LAMA1: variants seen among roughly 807,000 people sequenced by gnomAD.
LAMA1 encodes laminin subunit alpha 1.
Under a neutral mutation model 348.7 loss-of-function variants are expected in LAMA1, and 219 were observed. That is an observed-to-expected ratio of 0.63 (90% CI 0.56 to 0.70). The LOEUF is 0.70. Ranked by LOEUF, LAMA1 falls within the 30% of genes least tolerant of loss-of-function variation. LAMA1 has a pLI of 0.00. For missense variants in LAMA1, 3,744 were observed against 3,888.0 expected, an observed-to-expected ratio of 0.96 and a Z score of 0.99; for synonymous variants, 1,487 against 1,491.0, an observed-to-expected ratio of 1.00 and a Z score of 0.06.
At chr18:7,114,273 T>C (rs957533540) in intron 1 of LAMA1, among the ~76,000 whole-genome samples, 1 of 152,132 alleles carries the variant, frequency 6.6e-6, no homozygotes, top group Non-Finnish European at 1.5e-5. Flanking sequence ...TGTGCTAATA[T>C]TTTTCACATA....
chr18:6,960,989 G>T (rs930469788), intron 53 of LAMA1, among the ~76,000 whole-genome samples: 2 of 152,216 alleles, frequency 1.3e-5, no homozygotes, highest in Non-Finnish European at 2.9e-5. Flanking sequence ...ACTTGATTAA[G>T]ACAGTGTGCT....
In LAMA1 at chr18:7,117,716, C is replaced by T. The variant is rs1203664356; in HGVS notation, c.5G>A (p.Arg2His). 2 of 1,597,668 alleles carry T rather than the reference C, an allele frequency of 1.3e-6. No individual in the cohort carries two copies. Among genetic ancestry groups the T allele is most frequent in the Admixed American group, 1.7e-5 (1 of 59,834 alleles). Residue 2 changes from arginine to histidine, a missense_variant, in exon 1 of 63, where the codon CGC (arginine) becomes CAC (histidine). By Grantham distance (29) the Arg-to-His change is conservative. This residue lies in a region of LAMA1 where 1,529 missense variants were observed against 1,689.4 expected (regional missense o/e 0.91). Coordinates refer to ENST00000389658, the MANE Select transcript of LAMA1 (RefSeq NM_005559.4). Reference protein sequence around the residue: MRGGVLLVLLLC... With the variant: MHGGVLLVLLLC... ...CAGCAAGACCAGGAGCACGCCCCCG[C>T]GCATCTCGCCTCCGCCGCCACTCGG...
chr18:7,026,655 G>C (rs560136672), intron 16 of LAMA1, among the ~76,000 whole-genome samples: 61 of 152,218 alleles, frequency 4.0e-4, no homozygotes, highest in African/African-American at 1.4e-3. Context: ...TAATCCAAGA[G>C]AAACAAAAGA....
intron 4 of LAMA1, among the ~76,000 whole-genome samples, chr18:7,049,619 T>C (rs1453246930): frequency 6.6e-6 from 1 of 152,186 alleles, no homozygotes; most frequent in Non-Finnish European, 1.5e-5. Context: ...ATTTTAAGCA[T>C]GCAAAAATAT....
Position 6,950,964 on chromosome 18 carries a change from CCG to C in LAMA1, c.8213_8214del (p.Ser2738CysfsTer2). 6.2e-7 allele frequency: 1 copy of C among 1,613,590 alleles called. No homozygotes were observed. The highest frequency in any genetic ancestry group is 8.5e-7 in the Non-Finnish European group (1 of 1,179,876). ...FNQSAVRKKL[S>X]VELSIRTFAS... is the part of the protein sequence containing the mutation. ...GCGAACGTGCGGATGCTTAGCTCAA[CCG>C]AGAGCCTGGGGAAAACAAGTGCTCA... On this transcript the variant is annotated frameshift_variant, in exon 58 of 63. Coordinates refer to ENST00000389658, the MANE Select transcript of LAMA1 (RefSeq NM_005559.4). LOFTEE classifies it high-confidence loss of function.
chr18:7,103,967 A>G (rs899720584), intron 1 of LAMA1, among the ~76,000 whole-genome samples: 2 of 151,614 alleles, frequency 1.3e-5, no homozygotes, highest in Non-Finnish European at 2.9e-5. Context: ...TCTAAATAAT[A>G]CCCATTATTT....
In LAMA1 at chr18:7,089,386, G is replaced by A. The variant is rs73376870; in HGVS notation, c.62-8929C>T. On this transcript the variant is annotated intron_variant, in intron 1 of 62. Transcript: ENST00000389658. ...AAAAACAAAACAAAACGCTGGTAGGGAAGGTGCAAGGAGTTAAGGGCAGAG... is the reference window on the plus strand; with the variant it reads ...AAAAACAAAACAAAACGCTGGTAGGAAAGGTGCAAGGAGTTAAGGGCAGAG... 5.8e-3 allele frequency among the ~76,000 whole-genome samples: 889 copies of A among 152,284 alleles called. 7 individuals carry two copies. Among genetic ancestry groups the A allele is most frequent in the African/African-American group, 0.019 (807 of 41,558 alleles).
rs113494534 is a variant in LAMA1 at position 6,958,385 on chromosome 18, C to T, written c.7964+92G>A. 2.3e-3 allele frequency: 3,297 copies of T among 1,430,854 alleles called. 62 individuals carry two copies. In the African/African-American group the frequency reaches 0.04, roughly 17 times the overall value. 88.6% of individuals were successfully genotyped at this position (1,430,854 alleles called of 1,614,324 possible). On this transcript the variant is annotated intron_variant, in intron 55 of 62. Coordinates refer to ENST00000389658, the MANE Select transcript of LAMA1 (RefSeq NM_005559.4). ...TTTGGGAATTTGCAAAGTTTTCAAT[C>T]TCAAACAGTACAATGAGATTTCAGA...
Position 7,083,523 on chromosome 18 carries a change from T to C in LAMA1, c.62-3066A>G, listed in dbSNP as rs538907750. 4.1e-4 allele frequency among the ~76,000 whole-genome samples: 62 copies of C among 152,232 alleles called. 1 individual carries two copies. The Middle Eastern group carries it at 0.01, about 25-fold the overall frequency. ...TTAATAAAAAGAAAGATTGCTTTTT[T>C]ATTGAAAGTATATTTAGAAGAAATA... On this transcript the variant is annotated intron_variant, in intron 1 of 62. Coordinates refer to ENST00000389658, the MANE Select transcript of LAMA1 (RefSeq NM_005559.4).
intron 36 of LAMA1, among the ~76,000 whole-genome samples, chr18:6,987,301 A>G (rs1400653562): frequency 6.6e-6 from 1 of 152,212 alleles, no homozygotes; most frequent in Non-Finnish European, 1.5e-5. Context: ...ATTATATATA[A>G]TACAGCAAGA....
intron 1 of LAMA1, among the ~76,000 whole-genome samples, chr18:7,087,800 G>A (rs1005182850): frequency 6.6e-6 from 1 of 152,074 alleles, no homozygotes; most frequent in Admixed American, 6.6e-5. Context: ...CTTGGCCGAG[G>A]GCTTTACCTC....
intron 48 of LAMA1, among the ~76,000 whole-genome samples, chr18:6,966,526 G>C (rs1173057090): frequency 6.6e-6 from 1 of 152,186 alleles, no homozygotes; most frequent in East Asian, 1.9e-4. Context: ...AGTATTCATT[G>C]TGGTAAAAAT....
At chr18:7,043,189 G>A (rs2058027824) in intron 8 of LAMA1, 38 bp downstream of exon 8, 1 of 1,602,922 alleles carries the variant, frequency 6.2e-7, no homozygotes, top group African/African-American at 1.3e-5. Context: ...ACCTGGGGAA[G>A]ATGATGAAGA....
intron 59 of LAMA1, among the ~76,000 whole-genome samples, 162 bp downstream of exon 59, chr18:6,948,939 C>T (rs1285869097): frequency 6.6e-6 from 1 of 152,142 alleles, no homozygotes; most frequent in African/African-American, 2.4e-5. Context: ...GAGGGGCGGC[C>T]CTGGCACACG....
chr18:7,000,007 A>T lies in LAMA1; in HGVS notation c.4383-10T>A. The T allele has an allele frequency of 6.2e-7, 1 of 1,603,686 alleles. No individual in the cohort carries two copies. The highest frequency in any genetic ancestry group is 8.5e-7 in the Non-Finnish European group (1 of 1,170,872). On this transcript the variant is annotated splice_polypyrimidine_tract_variant and intron_variant, in intron 30 of 62. Transcript: ENST00000389658. ...ACAAGTGGGACTAAAACTGGAGGAAAAGAATTTCTTTTTGAATTTTCAGAT... is the reference window on the plus strand; with the variant it reads ...ACAAGTGGGACTAAAACTGGAGGAATAGAATTTCTTTTTGAATTTTCAGAT...
chr18:6,951,769 G>A (rs911514182), intron 57 of LAMA1, among the ~76,000 whole-genome samples: 1 of 152,208 alleles, frequency 6.6e-6, no homozygotes, highest in Non-Finnish European at 1.5e-5. Context: ...TTCAGGAAAC[G>A]TTCTGGAGGA....
intron 19 of LAMA1, among the ~76,000 whole-genome samples, chr18:7,020,908 T>C (rs1245936677): frequency 6.6e-6 from 1 of 152,136 alleles, no homozygotes; most frequent in African/African-American, 2.4e-5. Flanking sequence ...GCCCACTCCA[T>C]GTCTGCACAA....
intron 3 of LAMA1, among the ~76,000 whole-genome samples, chr18:7,076,400 G>C (rs1047390519): frequency 6.6e-6 from 1 of 151,804 alleles, no homozygotes; most frequent in Non-Finnish European, 1.5e-5. Context: ...GTGGTCTTCT[G>C]AAAAACACTT....
rs564075392 is a variant in LAMA1, at chr18:7,085,629, A to G, written c.62-5172T>C. ...GAGATGGGGTTTCACCACGTTAGCCAGGATGGTCTCGATCTCCTGACTTCC... is the reference window on the plus strand; with the variant it reads ...GAGATGGGGTTTCACCACGTTAGCCGGGATGGTCTCGATCTCCTGACTTCC... On this transcript the variant is annotated intron_variant, in intron 1 of 62. Coordinates refer to ENST00000389658, the MANE Select transcript of LAMA1 (RefSeq NM_005559.4). 9.2e-5 allele frequency among the ~76,000 whole-genome samples: 14 copies of G among 152,128 alleles called. No individual in the cohort carries two copies. The East Asian group carries it at 9.7e-4, about 11-fold the overall frequency.
Sources: gnomAD v4.1 joint callset for allele counts (sites outside exome capture counted in the v4.1 genomes callset) on GRCh38, gnomAD v4.1.1 for gene constraint, gnomAD v4.1.1 regional missense constraint, MANE v1.5 for transcripts, NCBI Gene and HGNC (gene_info 2026-07-23, HGNC 2026-07-21) for gene names.